The following NR6A1 variants were observed in gnomAD, a reference collection of about 807,000 sequenced individuals.
NR6A1 encodes the protein nuclear receptor subfamily 6 group A member 1.
NR6A1 carries 7 observed loss-of-function variants against 59.1 expected under a neutral mutation model. The observed-to-expected ratio is 0.12, with a 90% CI of 0.07 to 0.22. The LOEUF is 0.22. NR6A1 is among the 10% of genes least tolerant of loss of function. The pLI, the probability that NR6A1 is intolerant of heterozygous loss-of-function variation, is 1.00. For synonymous variants in NR6A1, 243 were observed against 236.1 expected (o/e 1.03, Z -0.27); for missense variants, 468 against 611.6 (o/e 0.77, Z 2.48).
chr9:124,693,707 A>T (rs762333302), intron 2 of NR6A1: 1 of 534,402 alleles, frequency 1.9e-6, no homozygotes, highest in South Asian at 1.4e-5. Context: ...CCAACTGAAA[A>T]CACTGATGGC....
At chr9:124,740,910 A>C (rs548102714) in intron 1 of NR6A1, among the ~76,000 whole-genome samples, 1 of 152,284 alleles carries the variant, frequency 6.6e-6, no homozygotes, top group East Asian at 1.9e-4. Context: ...CAGCTCAATA[A>C]ATGTTTGAAG....
intron 1 of NR6A1, among the ~76,000 whole-genome samples, chr9:124,757,361 T>C (rs1840661664): frequency 6.6e-6 from 1 of 151,936 alleles, no homozygotes; most frequent in Admixed American, 6.6e-5. Context: ...TTCAAATAAC[T>C]TGATGTTCAA....
At chr9:124,604,238 C>T (rs1835519049) in intron 2 of NR6A1, among the ~76,000 whole-genome samples, 1 of 152,140 alleles carries the variant, frequency 6.6e-6, no homozygotes, top group Non-Finnish European at 1.5e-5. Flanking sequence ...CTCCTGGGCA[C>T]CTCCACCTAG....
intron 2 of NR6A1, among the ~76,000 whole-genome samples, chr9:124,555,100 G>C (rs1833886953): frequency 1.3e-5 from 2 of 152,184 alleles, no homozygotes; most frequent in Non-Finnish European, 2.9e-5. Flanking sequence ...CCCTGGTGAA[G>C]CTTACACTCT....
At chr9:124,769,954 C>G (rs1268067603) in intron 1 of NR6A1, among the ~76,000 whole-genome samples, 1 of 152,200 alleles carries the variant, frequency 6.6e-6, no homozygotes, top group Non-Finnish European at 1.5e-5. Context: ...AGGAAAATAT[C>G]AAACAGATAC....
chr9:124,736,247 T>A (rs940246627), intron 1 of NR6A1, among the ~76,000 whole-genome samples: 1 of 152,140 alleles, frequency 6.6e-6, no homozygotes, highest in Non-Finnish European at 1.5e-5. Context: ...CGGACTATAC[T>A]AGAAGTCTCA....
intron 6 of NR6A1, among the ~76,000 whole-genome samples, chr9:124,536,540 T>A (rs1833272290): frequency 6.6e-6 from 1 of 151,876 alleles, no homozygotes; most frequent in African/African-American, 2.4e-5. Context: ...ATGCCTGTAA[T>A]CCCAGCTACT....
chr9:124,727,523 T>C (rs1381710723), intron 2 of NR6A1, among the ~76,000 whole-genome samples: 1 of 152,238 alleles, frequency 6.6e-6, no homozygotes, highest in African/African-American at 2.4e-5. Flanking sequence ...TAACATTGTA[T>C]TTGGACAAAG....
chr9:124,605,006 T>C (rs971823375), intron 2 of NR6A1, among the ~76,000 whole-genome samples: 1 of 152,000 alleles, frequency 6.6e-6, no homozygotes, highest in Admixed American at 6.6e-5. Context: ...AGATCCTAGA[T>C]ACCAATCATC....
At chr9:124,663,655 G>A (rs1370727598) in intron 2 of NR6A1, among the ~76,000 whole-genome samples, 1 of 152,128 alleles carries the variant, frequency 6.6e-6, no homozygotes, top group African/African-American at 2.4e-5. Flanking sequence ...CATCGTCTGA[G>A]ACCACAAAGA....
chr9:124,529,424 T>C (rs1833032949), intron 7 of NR6A1, among the ~76,000 whole-genome samples: 1 of 152,168 alleles, frequency 6.6e-6, no homozygotes, highest in South Asian at 2.1e-4. Flanking sequence ...CACTTTACCT[T>C]CCTGATAACC....
chr9:124,667,868 T>C (rs955625420), intron 2 of NR6A1, among the ~76,000 whole-genome samples: 3 of 152,234 alleles, frequency 2.0e-5, no homozygotes, highest in Non-Finnish European at 4.4e-5. Flanking sequence ...AATTTAATCA[T>C]AACTTTTTAA....
At chr9:124,709,784 A>G (rs1839224992) in intron 2 of NR6A1, among the ~76,000 whole-genome samples, 1 of 151,940 alleles carries the variant, frequency 6.6e-6, no homozygotes, top group Non-Finnish European at 1.5e-5. Context: ...AAATACAAAA[A>G]ATTAGCTGGG....
At chr9:124,654,603 C>G (rs559516109) in intron 2 of NR6A1, among the ~76,000 whole-genome samples, 1 of 152,202 alleles carries the variant, frequency 6.6e-6, no homozygotes, top group South Asian at 2.1e-4. Flanking sequence ...CATGACTTGG[C>G]TCTCAGCTTG....
At chr9:124,563,601 T>C (rs1178583975) in intron 2 of NR6A1, among the ~76,000 whole-genome samples, 1 of 152,378 alleles carries the variant, frequency 6.6e-6, no homozygotes, top group African/African-American at 2.4e-5. Flanking sequence ...TACCAAGTTC[T>C]GTCCTAAATT....
At chr9:124,748,082 T>C (rs368587694) in intron 1 of NR6A1, among the ~76,000 whole-genome samples, 9 of 152,234 alleles carry the variant, frequency 5.9e-5, no homozygotes, top group African/African-American at 1.2e-4. Context: ...ACTCTCTTTA[T>C]ACAGAGATGC....
Position 124,517,731 on chromosome 9 carries a change from G to C in NR6A1, c.*4974C>G, listed in dbSNP as rs571125212. On this transcript the variant is annotated 3_prime_UTR_variant, in exon 10 of 10. Coordinates refer to ENST00000487099, the MANE Select transcript of NR6A1 (RefSeq NM_033334.4). ...TCTTCAGGGGGGTGACTAGTCCCTG[G>C]CTGGGTAGGTGGGAAGGAATCCCCA... is the stretch of plus-strand genomic sequence containing the variant. 4.5e-4 allele frequency: 68 copies of C among 152,286 alleles called. No homozygotes were observed. The highest frequency in any genetic ancestry group is 1.5e-3 in the African/African-American group (63 of 41,532). The allele number at this position is 152,286 out of a possible 1,614,324, so 9.4% of individuals were successfully genotyped here. A position where few individuals can be genotyped will look rare whatever the true frequency, so the allele number is the denominator to read the frequency against.
intron 1 of NR6A1, among the ~76,000 whole-genome samples, chr9:124,734,180 A>T (rs147082268): frequency 6.6e-6 from 1 of 152,362 alleles, no homozygotes; most frequent in African/African-American, 2.4e-5. Context: ...ACACAAGGTC[A>T]AATTCCTGTT....
intron 2 of NR6A1, among the ~76,000 whole-genome samples, chr9:124,685,840 A>C (rs967596360): frequency 6.6e-6 from 1 of 152,240 alleles, no homozygotes; most frequent in Non-Finnish European, 1.5e-5. Context: ...TAGGTCCAAA[A>C]ACAATAAACC....
Sources: allele counts gnomAD v4.1 joint callset (sites outside exome capture counted in the v4.1 genomes callset), GRCh38; gene constraint gnomAD v4.1.1; transcripts MANE v1.5; gene names NCBI Gene and HGNC (gene_info 2026-07-23, HGNC 2026-07-21).